Variants in COL4A6 observed in about 807,000 individuals in gnomAD.
The protein encoded by COL4A6 is collagen type IV alpha 6 chain.
A neutral mutation model predicts 126.7 loss-of-function variants in COL4A6; 59 were observed. That is an observed-to-expected ratio of 0.47 (90% CI 0.38 to 0.58). The LOEUF is 0.58. Ranked by LOEUF, COL4A6 falls within the 20% of genes least tolerant of loss-of-function variation. The pLI is 0.00. For synonymous variants in COL4A6, 547 were observed against 496.6 expected, an observed-to-expected ratio of 1.10 and a Z score of -1.35; for missense variants, 1,285 against 1,337.3, an observed-to-expected ratio of 0.96 and a Z score of 0.61.
At chrX:108,295,180 A>C (rs2147859445) in intron 3 of COL4A6, among the ~76,000 whole-genome samples, 1 of 112,290 alleles carries the variant, frequency 8.9e-6, no homozygotes, top group African/African-American at 3.2e-5. Flanking sequence ...GTATACATTT[A>C]GATCACAGAT....
At chrX:108,182,897 A>T (rs2034730100) in intron 23 of COL4A6, among the ~76,000 whole-genome samples, 1 of 112,820 alleles carries the variant, frequency 8.9e-6, no homozygotes, top group Non-Finnish European at 1.9e-5. Flanking sequence ...CATCTGTGAC[A>T]GCCAGATAAA....
At chrX:108,198,079 A>G (rs1316493079) in intron 13 of COL4A6, among the ~76,000 whole-genome samples, 1 of 111,696 alleles carries the variant, frequency 9.0e-6, no homozygotes, top group Admixed American at 9.5e-5. Flanking sequence ...AATCTGTGGC[A>G]GCCCATGCTG....
chrX:108,222,287 T>A (rs1325207337), intron 3 of COL4A6, among the ~76,000 whole-genome samples: 1 of 112,050 alleles, frequency 8.9e-6, no homozygotes, highest in Non-Finnish European at 1.9e-5. Context: ...ATGAAAACCA[T>A]TAGTAATATG....
chrX:108,333,471 G>T (rs1424266793), intron 2 of COL4A6, among the ~76,000 whole-genome samples: 2 of 110,478 alleles, frequency 1.8e-5, no homozygotes, highest in African/African-American at 6.6e-5. Flanking sequence ...TATTGAACAG[G>T]AAAAAGTTAA....
chrX:108,216,395 G>T (rs1456742702), intron 5 of COL4A6, among the ~76,000 whole-genome samples: 1 of 111,916 alleles, frequency 8.9e-6, no homozygotes, highest in Non-Finnish European at 1.9e-5. Flanking sequence ...CTGTCAAATG[G>T]TGATGACTAA....
intron 3 of COL4A6, among the ~76,000 whole-genome samples, chrX:108,238,189 C>T (rs1244505451): frequency 9.3e-6 from 1 of 107,169 alleles, no homozygotes; most frequent in Non-Finnish European, 1.9e-5. Flanking sequence ...TCACTGCAAC[C>T]TCCAGCTCCC....
At chrX:108,167,374 T>C (rs935845194) in intron 37 of COL4A6, among the ~76,000 whole-genome samples, 1 of 111,783 alleles carries the variant, frequency 8.9e-6, no homozygotes, top group Admixed American at 9.5e-5. Flanking sequence ...TCTTGCTCTG[T>C]TGCCCAGGCT....
intron 2 of COL4A6, among the ~76,000 whole-genome samples, chrX:108,366,547 G>A (rs2040201187): frequency 8.9e-6 from 1 of 111,806 alleles, no homozygotes; most frequent in African/African-American, 3.3e-5. Context: ...GTCATTGAGG[G>A]GTTTCTCCCT....
chrX:108,405,883 A>G (rs1409577851), intron 2 of COL4A6, among the ~76,000 whole-genome samples: 1 of 111,731 alleles, frequency 9.0e-6, no homozygotes, highest in African/African-American at 3.3e-5. Context: ...TAAGCAGGAA[A>G]CCTAAGATAG....
intron 23 of COL4A6, chrX:108,183,739 T>C: frequency 2.3e-6 from 2 of 878,110 alleles, no homozygotes; most frequent in East Asian, 8.6e-5. Flanking sequence ...TGTGTCTAAG[T>C]CTCCTTTACC....
Position 108,159,447 on chromosome X carries a change from A to G in COL4A6, c.4812+15T>C. The G allele has an allele frequency of 8.3e-7, 1 of 1,210,801 alleles. No homozygotes were observed. Among genetic ancestry groups the G allele is most frequent in the East Asian group, 3.0e-5 (1 of 33,843 alleles). ...TTTGCCTCCAACTGGGGGAGGAGACAGTGCAGGACCTTACCATGAGGAAAG... is the reference window on the plus strand; with the variant it reads ...TTTGCCTCCAACTGGGGGAGGAGACGGTGCAGGACCTTACCATGAGGAAAG... On this transcript the variant is annotated intron_variant, in intron 44 of 44. Coordinates refer to ENST00000334504, the MANE Select transcript of COL4A6 (RefSeq NM_033641.4).
intron 3 of COL4A6, among the ~76,000 whole-genome samples, chrX:108,269,484 T>A (rs1426761201): frequency 9.0e-6 from 1 of 111,494 alleles, no homozygotes; most frequent in Admixed American, 9.5e-5. Flanking sequence ...TCAAGCTAGA[T>A]TTGAGCAACT....
chrX:108,282,133 A>G (rs1417290821), intron 3 of COL4A6, among the ~76,000 whole-genome samples: 1 of 109,042 alleles, frequency 9.2e-6, no homozygotes, highest in Admixed American at 9.9e-5. Context: ...AACAAAAGCC[A>G]AAATTGACAA....
chrX:108,310,855 A>T (rs1434924777), intron 2 of COL4A6, 27 bp from the exon 3 acceptor site: 20 of 1,101,737 alleles, frequency 1.8e-5, no homozygotes, highest in Non-Finnish European at 2.5e-5. Context: ...AAAGTTAATA[A>T]ACCATGTGAA....
chrX:108,274,948 C>A (rs1432360435), intron 3 of COL4A6, among the ~76,000 whole-genome samples: 1 of 111,118 alleles, frequency 9.0e-6, no homozygotes, highest in Admixed American at 9.6e-5. Context: ...CAGGTCCCAC[C>A]CACACTCAAG....
At position 108,187,852 on chromosome X, in the gene COL4A6, A is replaced by G. The variant is rs1280105743; in HGVS notation, c.1763T>C (p.Leu588Pro). The G allele has an allele frequency of 1.7e-6, 2 of 1,200,771 alleles. No homozygotes were observed. Among genetic ancestry groups the G allele is most frequent in the Non-Finnish European group, 2.2e-6 (2 of 889,331 alleles). ...GVPGLPGLPGLPGDGGQGFPG... is the reference protein window; with the variant it reads ...GVPGLPGLPGPPGDGGQGFPG... ...ACCTAGGAACGATCAACTTACCGGA[A>G]GGCCTGGCAGACCTGGTAAACCTGG... The change falls in exon 22 of 45, where the codon CTT becomes CCT. Residue 588 changes from leucine to proline, a missense_variant. Leu to Pro is a moderately conservative substitution (Grantham distance 98). Transcript: ENST00000334504.
chrX:108,216,348 T>A (rs1446120626), intron 5 of COL4A6, among the ~76,000 whole-genome samples: 1 of 112,016 alleles, frequency 8.9e-6, no homozygotes, highest in African/African-American at 3.2e-5. Flanking sequence ...CCAATCCCAC[T>A]GTTTCCCTTC....
At position 108,194,573 on chromosome X, in the gene COL4A6, G is replaced by C; in HGVS notation, c.963C>G (p.Thr321=). The C allele has an allele frequency of 8.3e-7, 1 of 1,210,180 alleles. No homozygotes were observed. The highest frequency in any genetic ancestry group is 1.1e-6 in the Non-Finnish European group (1 of 894,598). Residue 321 remains threonine, a synonymous_variant, in exon 16 of 45, where the codon ACC becomes ACG. Coordinates refer to ENST00000334504, the MANE Select transcript of COL4A6 (RefSeq NM_033641.4). ...ATCCATTAAGCCCAGGAAATCCCAG[G>C]GTCCCTTTCTTGCCCTGTGACAGAA... ...GPPGQQGKKG[T]LGFPGLNGFQ... is the part of the protein sequence containing the mutation.
chrX:108,312,024 T>C (rs971626575), intron 2 of COL4A6, among the ~76,000 whole-genome samples: 2 of 112,321 alleles, frequency 1.8e-5, no homozygotes, highest in South Asian at 7.4e-4. Flanking sequence ...AAAACTGCCA[T>C]TCTGACCATA....
Sources: allele counts gnomAD v4.1 joint callset (sites outside exome capture counted in the v4.1 genomes callset), GRCh38; gene constraint gnomAD v4.1.1; transcripts MANE v1.5; gene names NCBI Gene and HGNC (gene_info 2026-07-23, HGNC 2026-07-21).